The following FSTL5 variants were observed in gnomAD, a reference collection of about 807,000 sequenced individuals.
FSTL5 encodes the protein follistatin-related protein 5.
Under a neutral mutation model 89.1 loss-of-function variants are expected in FSTL5, and 62 were observed. The observed-to-expected ratio is 0.70, with a 90% CI of 0.57 to 0.86. The LOEUF (loss-of-function observed/expected upper bound fraction) is 0.86, where lower values mean the gene tolerates loss of function less well. Ranked by LOEUF, FSTL5 falls within the 40% of genes least tolerant of loss-of-function variation. The pLI is 0.00. For synonymous variants in FSTL5, 383 were observed against 346.2 expected, an observed-to-expected ratio of 1.11 and a Z score of -1.18; for missense variants, 1,057 against 1,001.6, an observed-to-expected ratio of 1.06 and a Z score of -0.75.
chr4:161,682,894 GCA>G (rs1270750203), intron 6 of FSTL5, among the ~76,000 whole-genome samples: 33 of 151,846 alleles, frequency 2.2e-4, no homozygotes, highest in East Asian at 2.1e-3. Flanking sequence ...TTACAGGCAT[GCA>G]CCACCACACC....
intron 15 of FSTL5, among the ~76,000 whole-genome samples, chr4:161,447,305 A>T (rs1732979001): frequency 6.6e-6 from 1 of 152,028 alleles, no homozygotes; most frequent in Non-Finnish European, 1.5e-5. Flanking sequence ...AAATAATTAC[A>T]TATATATATA....
rs35261391 is a variant in FSTL5 at position 161,601,329 on chromosome 4, G to GAAAAAAAAAAAAA, written c.895-13767_895-13755dup. 7.4e-5 allele frequency among the ~76,000 whole-genome samples: 8 copies of GAAAAAAAAAAAAA among 107,566 alleles called. 3 individuals are homozygous for GAAAAAAAAAAAAA. Among genetic ancestry groups the GAAAAAAAAAAAAA allele is most frequent in the Non-Finnish European group, 1.1e-4 (6 of 54,450 alleles). 70.6% of individuals were successfully genotyped at this position (107,566 alleles called of 152,430 possible). On this transcript the variant is annotated intron_variant, in intron 7 of 15. Coordinates refer to ENST00000306100, the MANE Select transcript of FSTL5 (RefSeq NM_020116.5). The stretch of plus-strand genomic sequence containing the variant: ...AGTGACACAAAGTCTTAAATAGTTG[G>GAAAAAAAAAAAAA]AAAAAAAAAAAAAAAAAAAAAGGCA...
chr4:161,748,103 G>A (rs1320913811), intron 6 of FSTL5, among the ~76,000 whole-genome samples: 1 of 152,040 alleles, frequency 6.6e-6, no homozygotes, highest in African/African-American at 2.4e-5. Flanking sequence ...GAGTACTAAT[G>A]AGTGGTATCA....
chr4:161,773,642 G>A (rs562548867), intron 5 of FSTL5, among the ~76,000 whole-genome samples: 4 of 152,212 alleles, frequency 2.6e-5, no homozygotes, highest in African/African-American at 7.2e-5. Context: ...ATCACCATGT[G>A]ATACCACCTT....
chr4:161,832,292 A>C lies in FSTL5; in HGVS notation c.410-56218T>G, dbSNP rs149786916. 4.0e-3 allele frequency among the ~76,000 whole-genome samples: 607 copies of C among 152,186 alleles called. 3 individuals carry two copies. Among genetic ancestry groups the C allele is most frequent in the African/African-American group, 0.014 (584 of 41,546 alleles). The stretch of plus-strand genomic sequence containing the variant: ...GCAGTGATATTTTTTGGGAGGTGAG[A>C]CGATCCTTCCAGATAGCAAGAACTG... On this transcript the variant is annotated intron_variant, in intron 4 of 15. Coordinates refer to ENST00000306100, the MANE Select transcript of FSTL5 (RefSeq NM_020116.5).
At chr4:161,413,888 T>C (rs1222976560) in intron 15 of FSTL5, among the ~76,000 whole-genome samples, 2 of 152,078 alleles carry the variant, frequency 1.3e-5, no homozygotes, top group Non-Finnish European at 2.9e-5. Flanking sequence ...TGGACGTAAA[T>C]ACAGGAGCAA....
At chr4:161,840,462 A>G (rs1418413354) in intron 4 of FSTL5, among the ~76,000 whole-genome samples, 1 of 152,186 alleles carries the variant, frequency 6.6e-6, no homozygotes, top group Non-Finnish European at 1.5e-5. Context: ...TGTATAATAT[A>G]ATTTTATTTG....
chr4:161,587,705 T>C, intron 7 of FSTL5, 130 bp from the exon 8 acceptor site: 1 of 622,928 alleles, frequency 1.6e-6, no homozygotes, highest in Admixed American at 3.3e-5. Flanking sequence ...AAAATGAGCA[T>C]TGTTGGGTGT....
intron 3 of FSTL5, among the ~76,000 whole-genome samples, chr4:161,976,432 C>G (rs150498358): frequency 6.6e-6 from 1 of 152,052 alleles, no homozygotes; most frequent in African/African-American, 2.4e-5. Context: ...AGGCATTAGT[C>G]GTTTTTAAAT....
At chr4:161,457,444 TGAATAATGTGTGGGAA>T (rs1733396927) in intron 14 of FSTL5, among the ~76,000 whole-genome samples, 1 of 152,138 alleles carries the variant, frequency 6.6e-6, no homozygotes, top group African/African-American at 2.4e-5. Context: ...TTTAGATGGT[TGAATAATGTGTGGGAA>T]GAATACCTCC....
At chr4:162,009,505 T>C (rs1347194972) in intron 3 of FSTL5, among the ~76,000 whole-genome samples, 5 of 152,026 alleles carry the variant, frequency 3.3e-5, no homozygotes, top group Non-Finnish European at 7.4e-5. Context: ...AGGCTACAAT[T>C]ATAAAATATG....
intron 2 of FSTL5, among the ~76,000 whole-genome samples, chr4:162,056,055 A>G (rs965934777): frequency 1.3e-5 from 2 of 151,942 alleles, no homozygotes; most frequent in African/African-American, 4.8e-5. Context: ...AACAAATACT[A>G]AAAATGAAAC....
At chr4:162,000,924 T>G (rs1252092732) in intron 3 of FSTL5, among the ~76,000 whole-genome samples, 1 of 152,020 alleles carries the variant, frequency 6.6e-6, no homozygotes, top group Non-Finnish European at 1.5e-5. Context: ...CCTGGAAAAT[T>G]TGCCAAGGTA....
At chr4:161,841,955 C>G (rs1731225118) in intron 4 of FSTL5, among the ~76,000 whole-genome samples, 2 of 152,108 alleles carry the variant, frequency 1.3e-5, no homozygotes, top group Non-Finnish European at 2.9e-5. Flanking sequence ...GCTGTCTTTA[C>G]AGTGAGCTTC....
chr4:161,651,634 TG>T (rs1195666231), intron 7 of FSTL5, among the ~76,000 whole-genome samples: 1 of 152,200 alleles, frequency 6.6e-6, no homozygotes, highest in Non-Finnish European at 1.5e-5. Flanking sequence ...AGATTTAAAG[TG>T]TTTTTTCTCA....
At chr4:161,539,483 A>G (rs1731745580) in intron 9 of FSTL5, among the ~76,000 whole-genome samples, 1 of 152,120 alleles carries the variant, frequency 6.6e-6, no homozygotes, top group South Asian at 2.1e-4. Flanking sequence ...GCAAATGCTT[A>G]CTACACACCC....
At chr4:161,853,100 G>A (rs1227623598) in intron 4 of FSTL5, among the ~76,000 whole-genome samples, 1 of 152,080 alleles carries the variant, frequency 6.6e-6, no homozygotes, top group Non-Finnish European at 1.5e-5. Context: ...GTTCCTAATA[G>A]CCTCCCTTAA....
Position 161,722,196 on chromosome 4 carries a change from G to A in FSTL5, c.727+37215C>T, listed in dbSNP as rs72973257. Among the ~76,000 whole-genome samples, 1,375 of 152,234 alleles carry A rather than the reference G, an allele frequency of 9.0e-3. 18 individuals carry two copies. The highest frequency in any genetic ancestry group is 0.029 in the African/African-American group (1,211 of 41,540). On this transcript the variant is annotated intron_variant, in intron 6 of 15. Coordinates refer to ENST00000306100, the MANE Select transcript of FSTL5 (RefSeq NM_020116.5). ...TTTATTTTCATCCTCTCAATGATGT[G>A]AAAACACAGCTGGGGAATTAAATGC...
chr4:162,089,974 ACAAAAACAAG>A (rs1457846123), intron 2 of FSTL5, among the ~76,000 whole-genome samples: 5 of 152,158 alleles, frequency 3.3e-5, no homozygotes, highest in Non-Finnish European at 7.3e-5. Flanking sequence ...AATAAAGCTG[ACAAAAACAAG>A]CAATGGGGAA....
Sources: allele counts gnomAD v4.1 joint callset (sites outside exome capture counted in the v4.1 genomes callset), GRCh38; gene constraint gnomAD v4.1.1; transcripts MANE v1.5; gene names NCBI Gene and HGNC (gene_info 2026-07-23, HGNC 2026-07-21).